Variants in DPYD observed in about 807,000 individuals in gnomAD.
DPYD encodes dihydropyrimidine dehydrogenase, also known as dihydropyrimidine dehydrogenase [NADP(+)].
DPYD carries 109 observed loss-of-function variants against 116.2 expected under a neutral mutation model. That is an observed-to-expected ratio of 0.94 (90% confidence interval 0.80 to 1.10). The LOEUF (loss-of-function observed/expected upper bound fraction) is 1.10, where lower values mean the gene tolerates loss of function less well. Among genes scored for constraint, DPYD ranks in the 50% least tolerant of loss-of-function variants. The pLI is 0.00. For synonymous variants in DPYD, 440 were observed against 432.0 expected, an observed-to-expected ratio of 1.02 and a Z score of -0.23; for missense variants, 1,302 against 1,254.5, an observed-to-expected ratio of 1.04 and a Z score of -0.57.
intron 16 of DPYD, among the ~76,000 whole-genome samples, chr1:97,344,044 TA>T (rs1228168603): frequency 6.6e-6 from 1 of 151,910 alleles, no homozygotes; most frequent in Non-Finnish European, 1.5e-5. Flanking sequence ...AATACATAAT[TA>T]TTCAATATTT....
chr1:97,556,176 G>A (rs1353183789), intron 11 of DPYD, among the ~76,000 whole-genome samples: 1 of 152,044 alleles, frequency 6.6e-6, no homozygotes, highest in Non-Finnish European at 1.5e-5. Context: ...CCCCCTTGTT[G>A]TGCTCCTTGA....
chr1:97,173,399 T>TGC (rs1229520428), intron 20 of DPYD, among the ~76,000 whole-genome samples: 7 of 146,392 alleles, frequency 4.8e-5, no homozygotes, highest in Non-Finnish European at 7.5e-5. Flanking sequence ...CATATATGTG[T>TGC]GTATATACGT....
At chr1:97,291,621 G>T (rs1485946768) in intron 18 of DPYD, among the ~76,000 whole-genome samples, 4 of 152,090 alleles carry the variant, frequency 2.6e-5, no homozygotes, top group East Asian at 1.9e-4. Flanking sequence ...CTCACTCATA[G>T]GTGGGAATTG....
intron 5 of DPYD, among the ~76,000 whole-genome samples, chr1:97,699,997 T>C (rs995676100): frequency 6.6e-6 from 1 of 152,112 alleles, no homozygotes; most frequent in African/African-American, 2.4e-5. Context: ...AGACATTTAA[T>C]AAATAATTTC....
rs762399235 is a variant in DPYD, at chr1:97,382,386, C to T, written c.1974+7G>A. On this transcript the variant is annotated splice_region_variant and intron_variant, in intron 15 of 22. Coordinates refer to ENST00000370192, the MANE Select transcript of DPYD (RefSeq NM_000110.4). Reference sequence around the variant, plus strand: ...ATAAAATAAATATATACTAAAGTAACCATTACCTCAGACTTCTTGGCAAGT... The same window carrying T: ...ATAAAATAAATATATACTAAAGTAATCATTACCTCAGACTTCTTGGCAAGT... 4 of 1,564,020 alleles carry T rather than the reference C, an allele frequency of 2.6e-6. No homozygotes were observed.
intron 16 of DPYD, among the ~76,000 whole-genome samples, chr1:97,322,502 G>C (rs1668356766): frequency 6.6e-6 from 1 of 151,902 alleles, no homozygotes. Flanking sequence ...GGATAGAGAA[G>C]GCTTTAAACA....
At chr1:97,287,449 C>G (rs1036547099) in intron 18 of DPYD, among the ~76,000 whole-genome samples, 3 of 152,174 alleles carry the variant, frequency 2.0e-5, no homozygotes, top group African/African-American at 7.2e-5. Flanking sequence ...AACCACTGCT[C>G]TCTTCAAAGC....
At chr1:97,282,776 T>A (rs1030083573) in intron 18 of DPYD, among the ~76,000 whole-genome samples, 1 of 152,154 alleles carries the variant, frequency 6.6e-6, no homozygotes, top group Non-Finnish European at 1.5e-5. Flanking sequence ...TGTGTCCATG[T>A]GTACTTAGTG....
intron 13 of DPYD, among the ~76,000 whole-genome samples, chr1:97,490,015 CG>C (rs1570823775): frequency 6.6e-6 from 1 of 152,120 alleles, no homozygotes; most frequent in East Asian, 1.9e-4. Flanking sequence ...TTCCTGGTTG[CG>C]CAAGTCACTA....
At chr1:97,089,390 T>C (rs1557856278) in intron 21 of DPYD, among the ~76,000 whole-genome samples, 1 of 152,160 alleles carries the variant, frequency 6.6e-6, no homozygotes, top group Non-Finnish European at 1.5e-5. Flanking sequence ...ACACTGTCAC[T>C]TCAGTTCTCT....
intron 7 of DPYD, among the ~76,000 whole-genome samples, chr1:97,685,942 A>G (rs1485208713): frequency 6.6e-6 from 1 of 152,178 alleles, no homozygotes; most frequent in Non-Finnish European, 1.5e-5. Context: ...TTCCCATTAA[A>G]CTACCATTGA....
chr1:97,094,540 A>T (rs527635791), intron 21 of DPYD, among the ~76,000 whole-genome samples: 12 of 152,142 alleles, frequency 7.9e-5, no homozygotes, highest in African/African-American at 2.7e-4. Context: ...GCTGAACTGC[A>T]GCTTTTTGAG....
chr1:97,876,974 T>C (rs776066705), intron 2 of DPYD, among the ~76,000 whole-genome samples: 9 of 151,998 alleles, frequency 5.9e-5, no homozygotes, highest in Non-Finnish European at 1.0e-4. Context: ...CCCAGAGATA[T>C]TGGCAGATCT....
chr1:97,229,131 G>A (rs1322324166), intron 19 of DPYD, among the ~76,000 whole-genome samples: 1 of 149,814 alleles, frequency 6.7e-6, no homozygotes, highest in Non-Finnish European at 1.5e-5. Context: ...GTGAACCCGG[G>A]AGGCGGAGCT....
chr1:97,604,709 G>T (rs1428149981), intron 8 of DPYD, among the ~76,000 whole-genome samples: 7 of 151,830 alleles, frequency 4.6e-5, no homozygotes, highest in Non-Finnish European at 1.0e-4. Flanking sequence ...TACTTTTCTA[G>T]GAATTCAGAA....
intron 14 of DPYD, among the ~76,000 whole-genome samples, chr1:97,420,540 C>T (rs764041181): frequency 6.6e-6 from 1 of 151,966 alleles, no homozygotes; most frequent in Non-Finnish European, 1.5e-5. Flanking sequence ...CATATAATTT[C>T]TCTGCATAAA....
At chr1:97,229,216 A>G (rs1331710172) in intron 19 of DPYD, among the ~76,000 whole-genome samples, 4 of 143,004 alleles carry the variant, frequency 2.8e-5, no homozygotes, top group Non-Finnish European at 4.5e-5. Context: ...AAAAAAAAAA[A>G]AAAGAAAAAA....
chr1:97,111,578 G>A (rs1651603413), intron 20 of DPYD, among the ~76,000 whole-genome samples: 1 of 151,804 alleles, frequency 6.6e-6, no homozygotes, highest in African/African-American at 2.4e-5. Context: ...CCTCAGAGAG[G>A]CACTCTCGGA....
chr1:97,714,331 G>C (rs1662477985), intron 5 of DPYD, among the ~76,000 whole-genome samples: 1 of 151,890 alleles, frequency 6.6e-6, no homozygotes. Flanking sequence ...TCCTGCCTCA[G>C]CCTCTTGAGT....
Sources: allele counts gnomAD v4.1 joint callset (sites outside exome capture counted in the v4.1 genomes callset), GRCh38; gene constraint gnomAD v4.1.1; transcripts MANE v1.5; gene names NCBI Gene and HGNC (gene_info 2026-07-23, HGNC 2026-07-21).